The following NFIC variants were observed in gnomAD, a reference collection of about 807,000 sequenced individuals.
NFIC encodes nuclear factor 1 C-type.
Under a neutral mutation model 54.4 loss-of-function variants are expected in NFIC, and 12 were observed. The ratio of observed to expected loss-of-function variants is 0.22; its 90% CI spans 0.14 to 0.36. The LOEUF (loss-of-function observed/expected upper bound fraction) is 0.36, where lower values mean the gene tolerates loss of function less well. Ranked by LOEUF, NFIC falls within the 10% of genes least tolerant of loss-of-function variation. The pLI is 1.00. For synonymous variants in NFIC, 322 were observed against 319.2 expected, an observed-to-expected ratio of 1.01 and a Z score of -0.09; for missense variants, 575 against 718.2, an observed-to-expected ratio of 0.80 and a Z score of 2.28.
At chr19:3,434,834 G>A (rs2082172810) in intron 5 of NFIC, among the ~76,000 whole-genome samples, 1 of 152,154 alleles carries the variant, frequency 6.6e-6, no homozygotes, top group African/African-American at 2.4e-5. Context: ...TCTCCACCAT[G>A]CTAGCTTGGT....
chr19:3,447,997 T>C (rs867327060), intron 6 of NFIC, among the ~76,000 whole-genome samples: 9 of 152,332 alleles, frequency 5.9e-5, no homozygotes, highest in South Asian at 2.1e-4. Flanking sequence ...CTCTGCCGCC[T>C]GGGTTCAAGC....
Position 3,464,821 on chromosome 19 carries a change from C to T in NFIC, c.*2052C>T, listed in dbSNP as rs1224885600. 6 of 604,324 alleles carry T rather than the reference C, an allele frequency of 9.9e-6. No homozygotes were observed. The East Asian group carries it at 7.3e-4, about 74-fold the overall frequency. The allele number at this position is 604,324 out of a possible 1,614,324, so 37.4% of individuals were successfully genotyped here. On this transcript the variant is annotated 3_prime_UTR_variant, in exon 11 of 11. Transcript: ENST00000443272. ...CCTCCGTCCGTCTGTCCTCGGGGCC[C>T]GCTCCCCCGGTGGCCCTTGGGGATC...
At chr19:3,374,951 A>G (rs577133743) in intron 1 of NFIC, among the ~76,000 whole-genome samples, 1 of 152,240 alleles carries the variant, frequency 6.6e-6, no homozygotes, top group Admixed American at 6.5e-5. Context: ...GTCACCACTG[A>G]CGTGGGCCCC....
upstream of NFIC, among the ~76,000 whole-genome samples, chr19:3,361,915 CAGAG>C (rs989353023): frequency 6.6e-6 from 1 of 152,184 alleles, no homozygotes; most frequent in Non-Finnish European, 1.5e-5. Flanking sequence ...CACAACCACA[CAGAG>C]ACTCACATAG....
chr19:3,463,653 C>T lies in NFIC; in HGVS notation c.*884C>T, dbSNP rs1355220808. On this transcript the variant is annotated 3_prime_UTR_variant, in exon 11 of 11. Transcript: ENST00000443272. ...ACCCCCCACCCCCGGCATAGGAGGC[C>T]CCCCCACCTCGCCCGGCTCACACCC... 1 of 842,840 alleles carries T rather than the reference C, an allele frequency of 1.2e-6. No homozygotes were observed. The highest frequency in any genetic ancestry group is 6.8e-5 in the Admixed American group (1 of 14,626). The allele number at this position is 842,840 out of a possible 1,614,324, so 52.2% of individuals were successfully genotyped here.
chr19:3,417,353 G>A (rs993466678), intron 2 of NFIC, among the ~76,000 whole-genome samples: 4 of 152,118 alleles, frequency 2.6e-5, no homozygotes, highest in African/African-American at 9.7e-5. Flanking sequence ...TGGGAAATAC[G>A]CTGTGCGCAC....
chr19:3,418,788 G>A (rs1268684936), intron 2 of NFIC, among the ~76,000 whole-genome samples: 1 of 152,180 alleles, frequency 6.6e-6, no homozygotes, highest in Non-Finnish European at 1.5e-5. Context: ...AGAGACGGAA[G>A]TTGCAGTGAG....
intron 3 of NFIC, among the ~76,000 whole-genome samples, chr19:3,431,691 A>G (rs959187908): frequency 2.0e-5 from 3 of 151,930 alleles, no homozygotes; most frequent in African/African-American, 7.3e-5. Context: ...TTTTGTAGAC[A>G]CAGGGTTTCG....
Position 3,374,653 on chromosome 19 carries a change from C to CGTTGAAGGCTCA in NFIC, c.31-7059_31-7058insGTTGAAGGCTCA, listed in dbSNP as rs2081074392. Among the ~76,000 whole-genome samples the CGTTGAAGGCTCA allele has an allele frequency of 2.0e-5, 3 of 152,092 alleles. No individual in the cohort carries two copies. In the South Asian group the frequency reaches 6.2e-4, roughly 32 times the overall value. On this transcript the variant is annotated intron_variant, in intron 1 of 10. Transcript: ENST00000443272. ...AGGAAAGGCTGCTTGAAGGAGGGGACACTAGAGATAGGGCGTTGAGGGATG... is the reference window on the plus strand; with the variant it reads ...AGGAAAGGCTGCTTGAAGGAGGGGACGTTGAAGGCTCAACTAGAGATAGGGCGTTGAGGGATG...
intron 3 of NFIC, among the ~76,000 whole-genome samples, chr19:3,427,168 C>T (rs369225828): frequency 1.1e-4 from 16 of 152,078 alleles, no homozygotes; most frequent in African/African-American, 3.9e-4. Context: ...CCCTGTGATG[C>T]ACCCGCCTCG....
intron 7 of NFIC, among the ~76,000 whole-genome samples, chr19:3,450,182 A>G (rs984730073): frequency 6.6e-6 from 1 of 150,718 alleles, no homozygotes; most frequent in Admixed American, 6.6e-5. Flanking sequence ...CGTCTCTACT[A>G]AAAATACAAA....
chr19:3,429,868 A>C (rs981375001), intron 3 of NFIC, among the ~76,000 whole-genome samples: 1 of 152,204 alleles, frequency 6.6e-6, no homozygotes, highest in Non-Finnish European at 1.5e-5. Flanking sequence ...CGTGGCCCTC[A>C]GGGAGGTGAT....
intron 2 of NFIC, among the ~76,000 whole-genome samples, chr19:3,393,974 G>T (rs11672782): frequency 0.47 from 70,674 of 150,016 alleles, 16,847 homozygotes; most frequent in East Asian, 0.69. Flanking sequence ...ACAGAGTCTC[G>T]CTCTGTCGCC....
At chr19:3,431,762 C>A (rs2082124115) in intron 3 of NFIC, among the ~76,000 whole-genome samples, 1 of 152,108 alleles carries the variant, frequency 6.6e-6, no homozygotes, top group South Asian at 2.1e-4. Flanking sequence ...CCTCAGCTTC[C>A]CAAAGTGCCG....
At chr19:3,363,576 G>T (rs902828054), upstream of NFIC, among the ~76,000 whole-genome samples, 2 of 148,942 alleles carry the variant, frequency 1.3e-5, no homozygotes, top group Non-Finnish European at 3.0e-5. Context: ...CCGGCCAAAG[G>T]AGATATGTGT....
intron 6 of NFIC, among the ~76,000 whole-genome samples, chr19:3,440,043 C>T (rs998694186): frequency 1.3e-5 from 2 of 152,124 alleles, no homozygotes; most frequent in Admixed American, 6.5e-5. Context: ...ACGTAAAGCA[C>T]GCACCTGGGG....
chr19:3,409,683 G>A (rs1481204374), intron 2 of NFIC, among the ~76,000 whole-genome samples: 3 of 152,244 alleles, frequency 2.0e-5, no homozygotes, highest in Non-Finnish European at 4.4e-5. Flanking sequence ...AGCCCACGGC[G>A]ATGCCTTTGT....
At chr19:3,423,123 G>A (rs946924500) in intron 2 of NFIC, among the ~76,000 whole-genome samples, 10 of 152,036 alleles carry the variant, frequency 6.6e-5, no homozygotes, top group Admixed American at 5.2e-4. Flanking sequence ...ACTTGAACCC[G>A]AGAGGTGGAG....
intron 1 of NFIC, among the ~76,000 whole-genome samples, chr19:3,372,233 C>T (rs1299109805): frequency 6.6e-6 from 1 of 152,070 alleles, no homozygotes; most frequent in Non-Finnish European, 1.5e-5. Context: ...GTTGGCCAGG[C>T]TGGTCTCAAA....
Sources: gnomAD v4.1 joint callset for allele counts (sites outside exome capture counted in the v4.1 genomes callset) on GRCh38, gnomAD v4.1.1 for gene constraint, MANE v1.5 for transcripts, NCBI Gene and HGNC (gene_info 2026-07-23, HGNC 2026-07-21) for gene names.